The following ADGRF4 variants were observed in gnomAD, a reference collection of about 807,000 sequenced individuals.
The protein encoded by ADGRF4 is G-protein coupled receptor PGR18.
Under a neutral mutation model 58.5 loss-of-function variants are expected in ADGRF4, and 63 were observed. The ratio of observed to expected loss-of-function variants is 1.08; its 90% CI spans 0.88 to 1.33. The LOEUF is 1.33. Ranked by LOEUF, ADGRF4 falls within the 40% of genes most tolerant of loss-of-function variation. ADGRF4 has a pLI of 0.00. For synonymous variants in ADGRF4, 313 were observed against 295.4 expected, an observed-to-expected ratio of 1.06 and a Z score of -0.61; for missense variants, 931 against 843.9, an observed-to-expected ratio of 1.10 and a Z score of -1.28.
intron 5 of ADGRF4, among the ~76,000 whole-genome samples, chr6:47,712,870 G>A (rs551388598): frequency 2.0e-5 from 3 of 152,244 alleles, no homozygotes; most frequent in East Asian, 1.9e-4. Context: ...TGAGCAAGAC[G>A]GAATGTACAC....
At chr6:47,717,226 G>A in intron 7 of ADGRF4, 66 bp from the exon 8 acceptor site, 1 of 1,143,094 alleles carries the variant, frequency 8.7e-7, no homozygotes, top group African/African-American at 1.5e-5. Context: ...TAAAGTTTCA[G>A]GACAGGCAAT....
intron 1 of ADGRF4, among the ~76,000 whole-genome samples, chr6:47,700,697 G>A (rs145938008): frequency 1.3e-5 from 2 of 152,150 alleles, no homozygotes; most frequent in Non-Finnish European, 2.9e-5. Flanking sequence ...GTCCACAGTA[G>A]GACTGGCATC....
At position 47,712,400 on chromosome 6, in the gene ADGRF4, T is replaced by C. The variant is rs1352115036; in HGVS notation, c.344T>C (p.Ile115Thr). 2 of 1,613,928 alleles carry C rather than the reference T, an allele frequency of 1.2e-6. No homozygotes were observed. Among genetic ancestry groups the C allele is most frequent in the Non-Finnish European group, 1.7e-6 (2 of 1,179,772 alleles). Reference protein sequence around the residue: ...ASRLSVAAPSIPLHILDFRAP... With the variant: ...ASRLSVAAPSTPLHILDFRAP... ...CGCCTTTCTGTAGCAGCACCATCTATACCTCTGCATATTCTAGACTTTCGA... is the reference window on the plus strand; with the variant it reads ...CGCCTTTCTGTAGCAGCACCATCTACACCTCTGCATATTCTAGACTTTCGA... Residue 115 changes from isoleucine (I) to threonine (T), a missense_variant, in exon 5 of 10, where the codon ATA (isoleucine) becomes ACA (threonine). Physicochemically the swap from Ile to Thr is moderately conservative, Grantham distance 89 (BLOSUM62 -1). Coordinates refer to ENST00000283303, the MANE Select transcript of ADGRF4 (RefSeq NM_153838.5).
intron 5 of ADGRF4, among the ~76,000 whole-genome samples, chr6:47,713,443 G>A (rs750666174): frequency 1.6e-4 from 24 of 152,172 alleles, no homozygotes; most frequent in Non-Finnish European, 2.5e-4. Flanking sequence ...TAGGGACAGG[G>A]TGTGCAGTCT....
At chr6:47,700,114 G>T (rs761932133) in intron 1 of ADGRF4, among the ~76,000 whole-genome samples, 3 of 152,144 alleles carry the variant, frequency 2.0e-5, no homozygotes, top group African/African-American at 4.8e-5. Flanking sequence ...GTACAGTTCC[G>T]GGGAGAGGAA....
At chr6:47,710,603 A>T in intron 3 of ADGRF4, 132 bp from the exon 4 acceptor site, 1 of 763,250 alleles carries the variant, frequency 1.3e-6, no homozygotes, top group Non-Finnish European at 2.1e-6. Flanking sequence ...ATTGCCGTGG[A>T]CCCAGTTCAA....
rs771647835 is a variant in ADGRF4, at chr6:47,714,721, C to T, written c.1476C>T (p.Leu492=). The T allele has an allele frequency of 6.2e-7, 1 of 1,613,972 alleles. No individual in the cohort carries two copies. Among genetic ancestry groups the T allele is most frequent in the South Asian group, 1.1e-5 (1 of 91,072 alleles). Residue 492 remains leucine (L), a synonymous_variant, in exon 6 of 10, where the codon CTC becomes CTT. Transcript: ENST00000283303. ...ACCTCTCTCTGTTTTTCTGGATGCT[C>T]TTCAAAGCATTGCTCATCATTTATG... The part of the protein sequence containing the change: ...FFYLSLFFWM[L]FKALLIIYGI...
At chr6:47,716,125 T>C (rs1772012042) in intron 6 of ADGRF4, among the ~76,000 whole-genome samples, 1 of 152,178 alleles carries the variant, frequency 6.6e-6, no homozygotes, top group African/African-American at 2.4e-5. Flanking sequence ...GTATTTCTTT[T>C]TCAGTTCATT....
Position 47,714,489 on chromosome 6 carries a change from G to A in ADGRF4, c.1244G>A (p.Ser415Asn). The change falls in exon 6 of 10, where the codon AGC becomes AAC. Residue 415 changes from serine to asparagine, a missense_variant. Coordinates refer to ENST00000283303, the MANE Select transcript of ADGRF4 (RefSeq NM_153838.5). ...ATTGGGCTCAGCGTCTCAATCCTAA[G>A]CTTGGTTCTTTGCCTGATCATTGAA... The part of the protein sequence containing the change: ...TCIGLSVSIL[S>N]LVLCLIIEAT... The A allele has an allele frequency of 6.2e-7, 1 of 1,614,140 alleles. No homozygotes were observed. The highest frequency in any genetic ancestry group is 2.2e-5 in the East Asian group (1 of 44,874).
intron 5 of ADGRF4, among the ~76,000 whole-genome samples, chr6:47,713,025 G>A (rs76285467): frequency 1.3e-5 from 2 of 152,190 alleles, no homozygotes; most frequent in African/African-American, 4.8e-5. Context: ...TCTGCCTCCT[G>A]TTGGATCAGC....
At chr6:47,713,549 T>C (rs1771921556) in intron 5 of ADGRF4, among the ~76,000 whole-genome samples, 1 of 152,114 alleles carries the variant, frequency 6.6e-6, no homozygotes, top group African/African-American at 2.4e-5. Context: ...CACACTGCAG[T>C]CTGGAAATGC....
intron 1 of ADGRF4, among the ~76,000 whole-genome samples, chr6:47,702,766 G>A (rs1032779767): frequency 6.6e-6 from 1 of 152,152 alleles, no homozygotes; most frequent in African/African-American, 2.4e-5. Flanking sequence ...CAATTTTGTT[G>A]ACAAACTGAA....
rs757244006 is a variant in ADGRF4, at chr6:47,715,051, G to A, written c.1806G>A (p.Arg602=). Reference sequence around the variant, plus strand: ...CTCAGGATGTGGTCATAATTATGAGGATCAGCAAAAATGTTGCCATCCTCA... The same window carrying A: ...CTCAGGATGTGGTCATAATTATGAGAATCAGCAAAAATGTTGCCATCCTCA... ...SKSQDVVIIM[R]ISKNVAILTP... is the part of the protein sequence containing the mutation. Residue 602 remains arginine (R), a synonymous_variant, in exon 6 of 10, where the codon AGG becomes AGA. Coordinates refer to ENST00000283303, the MANE Select transcript of ADGRF4 (RefSeq NM_153838.5). 6.2e-7 allele frequency: 1 copy of A among 1,613,330 alleles called. No homozygotes were observed. Among genetic ancestry groups the A allele is most frequent in the Admixed American group, 1.7e-5 (1 of 60,014 alleles).
chr6:47,709,092 CTTGG>C (rs1771796666), intron 3 of ADGRF4, among the ~76,000 whole-genome samples: 1 of 150,878 alleles, frequency 6.6e-6, no homozygotes, highest in Admixed American at 6.6e-5. Context: ...TTTGGCAAAG[CTTGG>C]TTCCTTTTCC....
intron 6 of ADGRF4, among the ~76,000 whole-genome samples, chr6:47,716,209 A>G (rs1772014256): frequency 6.6e-6 from 1 of 152,192 alleles, no homozygotes; most frequent in Non-Finnish European, 1.5e-5. Context: ...CTTTCTCAGC[A>G]AGCTCTTCCT....
At chr6:47,709,848 A>AGTTT (rs1159259660) in intron 3 of ADGRF4, among the ~76,000 whole-genome samples, 1 of 81,452 alleles carries the variant, frequency 1.2e-5, no homozygotes, top group Non-Finnish European at 3.0e-5. Flanking sequence ...GTAGCATCAC[A>AGTTT]GTTTTTTTTT....
intron 5 of ADGRF4, among the ~76,000 whole-genome samples, 190 bp downstream of exon 5, chr6:47,712,798 A>T (rs547343153): frequency 2.0e-3 from 305 of 152,322 alleles, no homozygotes; most frequent in African/African-American, 7.1e-3. Flanking sequence ...AACATTTTTA[A>T]TACCTATCTT....
At chr6:47,719,277 G>A (rs1343811023) in intron 9 of ADGRF4, among the ~76,000 whole-genome samples, 3 of 152,170 alleles carry the variant, frequency 2.0e-5, no homozygotes, top group Non-Finnish European at 4.4e-5. Flanking sequence ...ATGCTGTGCT[G>A]GTATGGGATA....
intron 9 of ADGRF4, among the ~76,000 whole-genome samples, chr6:47,720,519 G>A (rs1021514467): frequency 1.3e-5 from 2 of 152,212 alleles, no homozygotes; most frequent in Non-Finnish European, 2.9e-5. Flanking sequence ...AGACAGGTCT[G>A]TCAGGTGGTC....
Sources: gnomAD v4.1 joint callset for allele counts (sites outside exome capture counted in the v4.1 genomes callset) on GRCh38, gnomAD v4.1.1 for gene constraint, MANE v1.5 for transcripts, NCBI Gene and HGNC (gene_info 2026-07-23, HGNC 2026-07-21) for gene names.